Variants in ATAD2B observed in about 807,000 individuals in gnomAD.
ATAD2B encodes the protein ATPase family AAA domain containing 2B, also known as ATPase family AAA domain-containing protein 2B.
In ATAD2B, 40 loss-of-function variants were observed where a neutral mutation model predicts 167.6. The observed-to-expected ratio is 0.24, with a 90% CI of 0.19 to 0.31. The LOEUF (loss-of-function observed/expected upper bound fraction) is 0.31, where lower values mean the gene tolerates loss of function less well. ATAD2B is among the 10% of genes least tolerant of loss of function. The pLI, the probability that ATAD2B is intolerant of heterozygous loss-of-function variation, is 1.00. For missense variants in ATAD2B, 1,242 were observed against 1,757.2 expected, an observed-to-expected ratio of 0.71 and a Z score of 5.24; for synonymous variants, 579 against 596.5, an observed-to-expected ratio of 0.97 and a Z score of 0.43.
chr2:23,691,499 ACT>A, the ATAD2B span: 113 of 608,726 alleles, frequency 1.9e-4, no homozygotes, highest in African/African-American at 1.9e-3. Context: ...CTCTGGTCAG[ACT>A]CTTCTCTTTC....
At chr2:23,800,830 T>A (rs1043292669) in intron 18 of ATAD2B, among the ~76,000 whole-genome samples, 5 of 151,510 alleles carry the variant, frequency 3.3e-5, no homozygotes, top group Non-Finnish European at 7.4e-5. Context: ...AAAAAAAAAA[T>A]TTATATTTGA....
Position 23,757,702 on chromosome 2 carries a change from C to T in ATAD2B, c.3794G>A (p.Gly1265Glu), listed in dbSNP as rs369011855. Residue 1265 changes from glycine (G) to glutamate (E), a missense_variant, in exon 25 of 28, where the codon GGA becomes GAA. Transcript: ENST00000238789. ...GGAAGCCTCACCATTTAGACAATTT[C>T]CTTTAAGGAAAGTCTCTTTCCTGGA... ...QTSRKETFLK[G>E]NCLNGEASTD... 1 of 1,612,396 alleles carries T rather than the reference C, an allele frequency of 6.2e-7. No homozygotes were observed. The highest frequency in any genetic ancestry group is 1.7e-5 in the Admixed American group (1 of 59,648).
chr2:23,824,680 T>C (rs1344922638), intron 15 of ATAD2B, among the ~76,000 whole-genome samples: 3 of 152,246 alleles, frequency 2.0e-5, no homozygotes, highest in Admixed American at 2.0e-4. Context: ...ATGTTTAATG[T>C]ATGATACAAT....
At chr2:23,799,036 T>G (rs1012926188) in intron 18 of ATAD2B, among the ~76,000 whole-genome samples, 4 of 152,154 alleles carry the variant, frequency 2.6e-5, no homozygotes, top group Admixed American at 2.6e-4. Context: ...CACACACCAA[T>G]AGGGACCAGG....
intron 22 of ATAD2B, among the ~76,000 whole-genome samples, chr2:23,780,770 C>T (rs1379515857): frequency 4.6e-5 from 7 of 151,948 alleles, no homozygotes; most frequent in South Asian, 4.2e-4. Flanking sequence ...CGTAGTGGCA[C>T]GTGCCTGTAG....
At chr2:23,832,315 A>C in intron 14 of ATAD2B, 1 of 434,018 alleles carries the variant, frequency 2.3e-6, no homozygotes, top group South Asian at 1.7e-5. Context: ...GCCTTTCCAC[A>C]GACCCAGGCT....
chr2:23,779,782 T>A (rs891715701), intron 22 of ATAD2B, among the ~76,000 whole-genome samples: 10 of 152,170 alleles, frequency 6.6e-5, no homozygotes, highest in Admixed American at 1.3e-4. Context: ...ATTATAGGAA[T>A]GACAAAATTT....
the ATAD2B span, among the ~76,000 whole-genome samples, chr2:23,698,763 A>G: frequency 6.6e-6 from 1 of 152,176 alleles, no homozygotes; most frequent in African/African-American, 2.4e-5. Context: ...GGTCATTTGC[A>G]TGTCATTAGC....
At chr2:23,741,688 C>G in the ATAD2B span, among the ~76,000 whole-genome samples, 1 of 152,046 alleles carries the variant, frequency 6.6e-6, no homozygotes, top group Non-Finnish European at 1.5e-5. Flanking sequence ...GCAACAAAAG[C>G]CAAAATTGAC....
At chr2:23,807,303 A>AAGG (rs1684559174) in intron 18 of ATAD2B, among the ~76,000 whole-genome samples, 1 of 152,060 alleles carries the variant, frequency 6.6e-6, no homozygotes, top group African/African-American at 2.4e-5. Flanking sequence ...CACACACTAG[A>AAGG]AAGTACATTC....
intron 22 of ATAD2B, 38 bp downstream of exon 22, chr2:23,782,831 T>C (rs1680259949): frequency 1.3e-6 from 2 of 1,539,526 alleles, no homozygotes; most frequent in Non-Finnish European, 1.8e-6. Flanking sequence ...TGTCTTCTGA[T>C]TGATTATCAA....
At chr2:23,834,862 G>T (rs764430102) in intron 13 of ATAD2B, among the ~76,000 whole-genome samples, 12 of 152,074 alleles carry the variant, frequency 7.9e-5, no homozygotes, top group Non-Finnish European at 1.8e-4. Flanking sequence ...AGATTAGCCT[G>T]GGGAACACAG....
chr2:23,718,305 A>G, the ATAD2B span, among the ~76,000 whole-genome samples: 1,624 of 152,262 alleles, frequency 0.011, 14 homozygotes, highest in Middle Eastern at 0.031. Flanking sequence ...GACCCAGGTG[A>G]GCCCTAGGAA....
At chr2:23,735,113 T>C in the ATAD2B span, among the ~76,000 whole-genome samples, 1 of 152,190 alleles carries the variant, frequency 6.6e-6, no homozygotes, top group Non-Finnish European at 1.5e-5. Context: ...AAAGTACAAA[T>C]ATCTTTACAC....
chr2:23,920,793 C>T (rs772810875), intron 1 of ATAD2B, among the ~76,000 whole-genome samples: 2 of 152,034 alleles, frequency 1.3e-5, no homozygotes, highest in Non-Finnish European at 2.9e-5. Context: ...ACTTTTTATC[C>T]AAAAATTCCC....
chr2:23,708,787 T>C, the ATAD2B span, among the ~76,000 whole-genome samples: 10 of 152,124 alleles, frequency 6.6e-5, 1 homozygote, highest in South Asian at 6.2e-4. Flanking sequence ...AAGAAGACAA[T>C]TGAAGGTAAA....
intron 26 of ATAD2B, 112 bp from the exon 27 acceptor site, chr2:23,754,419 A>T: frequency 8.1e-7 from 1 of 1,236,380 alleles, no homozygotes; most frequent in African/African-American, 1.5e-5. Context: ...GTAACAGTGA[A>T]CATGAAATTA....
At chr2:23,698,818 G>C in the ATAD2B span, among the ~76,000 whole-genome samples, 1 of 152,110 alleles carries the variant, frequency 6.6e-6, no homozygotes, top group African/African-American at 2.4e-5. Flanking sequence ...CTGACGGGAG[G>C]GCTCATGGCT....
At chr2:23,894,588 C>T (rs1048927558) in intron 2 of ATAD2B, among the ~76,000 whole-genome samples, 3 of 151,922 alleles carry the variant, frequency 2.0e-5, no homozygotes, top group African/African-American at 7.3e-5. Context: ...TTAAAATCAT[C>T]TTAAAAGCCC....
Sources: gnomAD v4.1 joint callset for allele counts (sites outside exome capture counted in the v4.1 genomes callset) on GRCh38, gnomAD v4.1.1 for gene constraint, MANE v1.5 for transcripts, NCBI Gene and HGNC (gene_info 2026-07-23, HGNC 2026-07-21) for gene names.